The following BPNT1 variants were observed in gnomAD, a reference collection of about 807,000 sequenced individuals.
BPNT1 encodes the protein 3'(2'),5'-bisphosphate nucleotidase 1.
BPNT1 carries 28 observed loss-of-function variants against 36.9 expected under a neutral mutation model. That is an observed-to-expected ratio of 0.76 (90% CI 0.56 to 1.04). The LOEUF (loss-of-function observed/expected upper bound fraction) is 1.04, where lower values mean the gene tolerates loss of function less well. Ranked by LOEUF, BPNT1 falls within the 50% of genes least tolerant of loss-of-function variation. The pLI, the probability that BPNT1 is intolerant of heterozygous loss-of-function variation, is 0.00. For synonymous variants in BPNT1, 119 were observed against 130.9 expected (o/e 0.91, Z 0.62); for missense variants, 313 against 372.9 (o/e 0.84, Z 1.32).
intron 6 of BPNT1, among the ~76,000 whole-genome samples, chr1:220,064,066 T>G (rs952414912): frequency 1.3e-5 from 2 of 152,200 alleles, no homozygotes; most frequent in Non-Finnish European, 2.9e-5. Context: ...TTTACATGTA[T>G]TATCTCTCTT....
At position 220,058,533 on chromosome 1, in the gene BPNT1, T is replaced by C. The variant is rs1662721055; in HGVS notation, c.*311A>G. 6 of 996,616 alleles carry C rather than the reference T, an allele frequency of 6.0e-6. No homozygotes were observed. The highest frequency in any genetic ancestry group is 7.2e-6 in the Non-Finnish European group (6 of 830,908). The allele number at this position is 996,616 out of a possible 1,614,324, so 61.7% of individuals were successfully genotyped here. ...AAACTTTAAGTACTTTTTGGGTTTT[T>C]GTTTTTTTTTTTTCTGAGACAGGGC... On this transcript the variant is annotated 3_prime_UTR_variant, in exon 9 of 9. Coordinates refer to ENST00000322067, the MANE Select transcript of BPNT1 (RefSeq NM_006085.6).
Position 220,082,083 on chromosome 1 carries a change from TATAGAGAG to T in BPNT1, c.-8-2237_-8-2230del, listed in dbSNP as rs1342300015. 5.4e-3 allele frequency among the ~76,000 whole-genome samples: 599 copies of T among 110,810 alleles called. 2 individuals carry two copies. Among genetic ancestry groups the T allele is most frequent in the Middle Eastern group, 9.1e-3 (2 of 220 alleles). 72.7% of individuals were successfully genotyped at this position (110,810 alleles called of 152,430 possible). A position where few individuals can be genotyped will look rare whatever the true frequency, so the allele number is the denominator to read the frequency against. On this transcript the variant is annotated intron_variant, in intron 1 of 8. Transcript: ENST00000322067. ...AGGACAATATATATATATATATATA[TATAGAGAG>T]AGAGAGAGAGAGAGAGAGAGAGAGA...
At chr1:220,074,148 A>G (rs1220298233) in intron 2 of BPNT1, 77 bp from the exon 3 acceptor site, 2 of 1,304,928 alleles carry the variant, frequency 1.5e-6, no homozygotes, top group African/African-American at 2.9e-5. Flanking sequence ...ATGAGTGCCT[A>G]CATAATTTAG....
intron 1 of BPNT1, among the ~76,000 whole-genome samples, chr1:220,088,486 A>C (rs946057054): frequency 3.3e-5 from 5 of 150,282 alleles, no homozygotes; most frequent in African/African-American, 1.2e-4. Context: ...CTCAAAAAAA[A>C]AAAAAAAAAA....
intron 6 of BPNT1, among the ~76,000 whole-genome samples, 189 bp from the exon 7 acceptor site, chr1:220,063,143 T>C (rs1489195598): frequency 2.6e-5 from 4 of 152,106 alleles, no homozygotes; most frequent in Non-Finnish European, 4.4e-5. Context: ...GGTCAGGATA[T>C]CTAAACCATC....
chr1:220,075,362 C>T (rs535284757), intron 2 of BPNT1, among the ~76,000 whole-genome samples: 1 of 152,244 alleles, frequency 6.6e-6, no homozygotes, highest in African/African-American at 2.4e-5. Context: ...AGAATTTTAA[C>T]AATACTTTGC....
intron 5 of BPNT1, among the ~76,000 whole-genome samples, chr1:220,068,308 C>T (rs558065823): frequency 6.6e-6 from 1 of 152,114 alleles, no homozygotes; most frequent in Non-Finnish European, 1.5e-5. Context: ...CTCAGCCCCA[C>T]AAGTAGCTGG....
chr1:220,076,641 C>T (rs1050972550), intron 2 of BPNT1, among the ~76,000 whole-genome samples: 2 of 149,798 alleles, frequency 1.3e-5, no homozygotes, highest in African/African-American at 2.4e-5. Flanking sequence ...GCTGAGATAA[C>T]GCCATTGCAC....
In BPNT1 at chr1:220,062,896, A is replaced by G. The variant is rs1405120917; in HGVS notation, c.533T>C (p.Phe178Ser). 2 of 1,613,988 alleles carry G rather than the reference A, an allele frequency of 1.2e-6. No homozygotes were observed. Among genetic ancestry groups the G allele is most frequent in the African/African-American group, 2.7e-5 (2 of 74,908 alleles). The part of the protein sequence containing the change: ...TIWGVLGLGA[F>S]GFQLKEVPAG... ...AGGGACTTCTTTCAGCTGAAACCCA[A>G]AGGCGCCTAAACCTAAAACTCCCCA... Residue 178 changes from phenylalanine to serine, a missense_variant, in exon 7 of 9, where the codon TTT (phenylalanine) becomes TCT (serine). By Grantham distance (155) the Phe-to-Ser change is radical. Coordinates refer to ENST00000322067, the MANE Select transcript of BPNT1 (RefSeq NM_006085.6).
intron 1 of BPNT1, among the ~76,000 whole-genome samples, chr1:220,085,822 C>A (rs1655664648): frequency 6.6e-6 from 1 of 152,128 alleles, no homozygotes. Context: ...TAATACCTAT[C>A]CTTGAGAAGT....
Position 220,058,017 on chromosome 1 carries a change from A to T in BPNT1, c.*827T>A. The T allele has an allele frequency of 1.7e-6, 1 of 579,476 alleles. No individual in the cohort carries two copies. The highest frequency in any genetic ancestry group is 2.5e-6 in the Non-Finnish European group (1 of 392,206). 35.9% of individuals were successfully genotyped at this position (579,476 alleles called of 1,614,324 possible). ...ACGGTGAAACACCTTCTCTACTAAA[A>T]ATACAAAAAATTAGCCAGGCGTGGT... On this transcript the variant is annotated 3_prime_UTR_variant, in exon 9 of 9. Coordinates refer to ENST00000322067, the MANE Select transcript of BPNT1 (RefSeq NM_006085.6).
intron 2 of BPNT1, among the ~76,000 whole-genome samples, chr1:220,075,126 C>A (rs1664430194): frequency 6.6e-6 from 1 of 152,176 alleles, no homozygotes; most frequent in African/African-American, 2.4e-5. Flanking sequence ...TCACTGCAAC[C>A]TTTGCCTCTC....
At position 220,058,356 on chromosome 1, in the gene BPNT1, T is replaced by G; in HGVS notation, c.*488A>C. ...AATTGGTCTGGTTGATTAATCAAGT[T>G]AAATTATTTAATTCTATTTTCTATT... On this transcript the variant is annotated 3_prime_UTR_variant, in exon 9 of 9. Coordinates refer to ENST00000322067, the MANE Select transcript of BPNT1 (RefSeq NM_006085.6). 1.0e-6 allele frequency: 1 copy of G among 980,808 alleles called. No individual in the cohort carries two copies. The highest frequency in any genetic ancestry group is 1.2e-6 in the Non-Finnish European group (1 of 824,640). 60.8% of individuals were successfully genotyped at this position (980,808 alleles called of 1,614,324 possible). A position where few individuals can be genotyped will look rare whatever the true frequency, so the allele number is the denominator to read the frequency against.
At chr1:220,064,934 A>T (rs1444786573) in intron 6 of BPNT1, among the ~76,000 whole-genome samples, 2 of 151,960 alleles carry the variant, frequency 1.3e-5, no homozygotes, top group Non-Finnish European at 2.9e-5. Flanking sequence ...CAGCCTCCTG[A>T]GTAGCTGGGA....
At chr1:220,085,788 G>C (rs759840833) in intron 1 of BPNT1, among the ~76,000 whole-genome samples, 1 of 152,154 alleles carries the variant, frequency 6.6e-6, no homozygotes, top group South Asian at 2.1e-4. Context: ...AAAAAAAGCT[G>C]TATAACACTT....
At chr1:220,073,211 T>C (rs1433053453) in intron 3 of BPNT1, among the ~76,000 whole-genome samples, 1 of 152,222 alleles carries the variant, frequency 6.6e-6, no homozygotes, top group East Asian at 1.9e-4. Context: ...TTAAGTATTA[T>C]ACACTCATTT....
intron 4 of BPNT1, among the ~76,000 whole-genome samples, chr1:220,071,632 T>C (rs1169443218): frequency 6.6e-6 from 1 of 152,186 alleles, no homozygotes; most frequent in Non-Finnish European, 1.5e-5. Context: ...GATAGACATA[T>C]AGACCAATAG....
intron 1 of BPNT1, among the ~76,000 whole-genome samples, chr1:220,088,972 G>C (rs1389217207): frequency 1.4e-5 from 2 of 145,230 alleles, no homozygotes; most frequent in African/African-American, 5.1e-5. Flanking sequence ...TTGGTGGTGG[G>C]CGCCTGTAGT....
intron 3 of BPNT1, among the ~76,000 whole-genome samples, chr1:220,073,760 A>G (rs1276614157): frequency 1.3e-5 from 2 of 152,200 alleles, no homozygotes; most frequent in Non-Finnish European, 2.9e-5. Flanking sequence ...ATGGTCAATA[A>G]TTAAGACAAC....
Sources: allele counts gnomAD v4.1 joint callset (sites outside exome capture counted in the v4.1 genomes callset), GRCh38; gene constraint gnomAD v4.1.1; transcripts MANE v1.5; gene names NCBI Gene and HGNC (gene_info 2026-07-23, HGNC 2026-07-21).